KCNQ5: variants seen among roughly 807,000 people sequenced by gnomAD.
KCNQ5 encodes the protein potassium voltage-gated channel subfamily KQT member 5.
A neutral mutation model predicts 98.2 loss-of-function variants in KCNQ5; 30 were observed. The observed-to-expected ratio is 0.31, with a 90% confidence interval of 0.23 to 0.41. The LOEUF is 0.41. Among genes scored for constraint, KCNQ5 ranks in the 10% least tolerant of loss-of-function variants. The probability of loss-of-function intolerance (pLI) is 1.00; values close to 1 mark genes in which losing one functional copy is unlikely to be tolerated. For synonymous variants in KCNQ5, 458 were observed against 449.4 expected, an observed-to-expected ratio of 1.02 and a Z score of -0.24; for missense variants, 835 against 1,182.5, an observed-to-expected ratio of 0.71 and a Z score of 4.31.
chr6:72,810,629 A>G (rs1007139464), intron 1 of KCNQ5, among the ~76,000 whole-genome samples: 1 of 152,230 alleles, frequency 6.6e-6, no homozygotes, highest in Non-Finnish European at 1.5e-5. Context: ...ACTTCCAGCT[A>G]CTATAATGTT....
At chr6:73,165,577 C>T (rs1156325759) in intron 10 of KCNQ5, among the ~76,000 whole-genome samples, 1 of 152,160 alleles carries the variant, frequency 6.6e-6, no homozygotes, top group Non-Finnish European at 1.5e-5. Context: ...ATGGGGTCCA[C>T]ACCGTGCCAA....
intron 1 of KCNQ5, among the ~76,000 whole-genome samples, chr6:72,935,317 C>G (rs955004737): frequency 1.3e-5 from 2 of 152,008 alleles, no homozygotes; most frequent in African/African-American, 4.8e-5. Flanking sequence ...GTGATCCACC[C>G]ACCTCAGCCT....
intron 2 of KCNQ5, among the ~76,000 whole-genome samples, chr6:73,004,704 A>T (rs563007003): frequency 6.6e-6 from 1 of 152,300 alleles, no homozygotes; most frequent in African/African-American, 2.4e-5. Flanking sequence ...ATCACATCTG[A>T]TTGAAAGTTT....
intron 1 of KCNQ5, among the ~76,000 whole-genome samples, chr6:72,651,457 C>G (rs1297314172): frequency 6.6e-6 from 1 of 152,024 alleles, no homozygotes; most frequent in East Asian, 1.9e-4. Flanking sequence ...ACTAGAAATA[C>G]TCTTGGACTT....
intron 3 of KCNQ5, among the ~76,000 whole-genome samples, chr6:73,056,967 C>T (rs1772533801): frequency 6.6e-6 from 1 of 152,108 alleles, no homozygotes; most frequent in Admixed American, 6.5e-5. Flanking sequence ...ACCCAGCCAT[C>T]CCATTACTGG....
At chr6:73,057,567 C>T (rs577129855) in intron 3 of KCNQ5, among the ~76,000 whole-genome samples, 3 of 152,042 alleles carry the variant, frequency 2.0e-5, no homozygotes, top group Non-Finnish European at 4.4e-5. Context: ...ATCTCTACAA[C>T]AAGCATTATA....
Position 72,821,043 on chromosome 6 carries a change from T to A in KCNQ5, c.399-182865T>A, listed in dbSNP as rs1274971157. Reference sequence around the variant, plus strand: ...GGCAGAGAAATAAAAGACATAGGTCTCACCAACGACTATGTAGCTTCAAGA... The same window carrying A: ...GGCAGAGAAATAAAAGACATAGGTCACACCAACGACTATGTAGCTTCAAGA... On this transcript the variant is annotated intron_variant, in intron 1 of 13. Coordinates refer to ENST00000370398, the MANE Select transcript of KCNQ5 (RefSeq NM_019842.4). 2.0e-5 allele frequency among the ~76,000 whole-genome samples: 3 copies of A among 152,160 alleles called. No homozygotes were observed. In the East Asian group the frequency reaches 5.8e-4, roughly 29 times the overall value.
intron 1 of KCNQ5, among the ~76,000 whole-genome samples, chr6:72,972,464 A>G (rs1767948693): frequency 6.6e-6 from 1 of 151,680 alleles, no homozygotes; most frequent in Non-Finnish European, 1.5e-5. Context: ...TGCTGCATCT[A>G]TTGACCCATC....
chr6:72,967,089 A>G (rs1369091268), intron 1 of KCNQ5, among the ~76,000 whole-genome samples: 1 of 152,326 alleles, frequency 6.6e-6, no homozygotes, highest in East Asian at 1.9e-4. Flanking sequence ...CAGCTGTGAC[A>G]AAGGAGAAGG....
intron 3 of KCNQ5, among the ~76,000 whole-genome samples, chr6:73,057,635 C>G (rs1309328030): frequency 6.6e-6 from 1 of 152,086 alleles, no homozygotes; most frequent in Non-Finnish European, 1.5e-5. Context: ...ATTCCATGCT[C>G]ATGGATAGGA....
intron 1 of KCNQ5, among the ~76,000 whole-genome samples, chr6:72,860,779 T>A (rs1404704618): frequency 2.6e-5 from 4 of 152,092 alleles, no homozygotes; most frequent in Non-Finnish European, 5.9e-5. Flanking sequence ...CTATGATCTT[T>A]ATTTCTGTTT....
chr6:72,684,343 T>G (rs1159899042), intron 1 of KCNQ5, among the ~76,000 whole-genome samples: 1 of 152,198 alleles, frequency 6.6e-6, no homozygotes, highest in Admixed American at 6.5e-5. Context: ...TTAAGGCACA[T>G]CCATGTAGTA....
At chr6:72,632,066 A>T (rs1469397320) in intron 1 of KCNQ5, among the ~76,000 whole-genome samples, 1 of 152,008 alleles carries the variant, frequency 6.6e-6, no homozygotes, top group African/African-American at 2.4e-5. Context: ...TGAGAGCCAC[A>T]CATGCTTAGC....
Position 73,018,218 on chromosome 6 carries a change from C to G in KCNQ5, c.489+14220C>G, listed in dbSNP as rs76687975. Among the ~76,000 whole-genome samples the G allele has an allele frequency of 2.9e-3, 437 of 152,234 alleles. 5 individuals carry two copies. Among genetic ancestry groups the G allele is most frequent in the East Asian group, 0.025 (132 of 5,180 alleles). On this transcript the variant is annotated intron_variant, in intron 2 of 13. Transcript: ENST00000370398. ...GGAGGTTTCTCTGCCTGTCAGTTAGCCCATCTGTTTCTCTTCCATAGGCTC... is the reference window on the plus strand; with the variant it reads ...GGAGGTTTCTCTGCCTGTCAGTTAGGCCATCTGTTTCTCTTCCATAGGCTC...
intron 1 of KCNQ5, among the ~76,000 whole-genome samples, chr6:72,655,027 T>C (rs1766082383): frequency 2.9e-5 from 1 of 34,930 alleles, no homozygotes; most frequent in Non-Finnish European, 6.4e-5. Context: ...GGTCTGTCTG[T>C]CTTTCTTTCT....
At chr6:73,177,883 G>C (rs2350386) in intron 11 of KCNQ5, among the ~76,000 whole-genome samples, 83,544 of 152,094 alleles carry the variant, frequency 0.55, 26,906 homozygotes, top group African/African-American at 0.89. Context: ...AAGGTAATTA[G>C]TTGTGGCTAC....
chr6:72,963,084 A>G (rs1031168756), intron 1 of KCNQ5, among the ~76,000 whole-genome samples: 5 of 152,342 alleles, frequency 3.3e-5, no homozygotes, highest in African/African-American at 1.2e-4. Flanking sequence ...TAATTTACAT[A>G]TTTACAAAAG....
intron 1 of KCNQ5, among the ~76,000 whole-genome samples, chr6:72,744,024 T>C (rs1320722516): frequency 6.6e-6 from 1 of 152,194 alleles, no homozygotes; most frequent in Non-Finnish European, 1.5e-5. Flanking sequence ...AACCCCATGT[T>C]AGCATGTGTT....
intron 1 of KCNQ5, among the ~76,000 whole-genome samples, chr6:72,982,634 C>T (rs1028447860): frequency 5.3e-5 from 8 of 151,824 alleles, no homozygotes; most frequent in Non-Finnish European, 8.8e-5. Flanking sequence ...TCCAATTTGC[C>T]AGTCTGTGTC....
Sources: gnomAD v4.1 joint callset for allele counts (sites outside exome capture counted in the v4.1 genomes callset) on GRCh38, gnomAD v4.1.1 for gene constraint, MANE v1.5 for transcripts, NCBI Gene and HGNC (gene_info 2026-07-23, HGNC 2026-07-21) for gene names.